The following FIGN variants were observed in gnomAD, a reference collection of about 807,000 sequenced individuals.
The protein encoded by FIGN is fidgetin, microtubule severing factor, also known as fidgetin.
Under a neutral mutation model 51.3 loss-of-function variants are expected in FIGN, and 11 were observed. The observed-to-expected ratio is 0.21, with a 90% CI of 0.13 to 0.35. The LOEUF is 0.35. FIGN is among the 10% of genes least tolerant of loss of function. The pLI is 1.00. For synonymous variants in FIGN, 407 were observed against 363.2 expected, an observed-to-expected ratio of 1.12 and a Z score of -1.37; for missense variants, 857 against 943.6, an observed-to-expected ratio of 0.91 and a Z score of 1.20.
At chr2:163,632,196 A>T (rs534756798) in intron 2 of FIGN, among the ~76,000 whole-genome samples, 10 of 152,320 alleles carry the variant, frequency 6.6e-5, no homozygotes, top group African/African-American at 2.4e-4. Context: ...TTAAAAAGTA[A>T]TAAAGTATTT....
rs1229800949 is a variant in FIGN, at chr2:163,606,819, T to A, written c.*2733A>T. On this transcript the variant is annotated 3_prime_UTR_variant, in exon 3 of 3. Transcript: ENST00000333129. ...AAATCTTGGATTTTGTGAGGCTAAA[T>A]GAAAATCACATACGACTTCAGCTTC... is the stretch of plus-strand genomic sequence containing the variant. 6.6e-6 allele frequency: 1 copy of A among 152,200 alleles called. No homozygotes were observed. The highest frequency in any genetic ancestry group is 2.4e-5 in the African/African-American group (1 of 41,454). The allele number at this position is 152,200 out of a possible 1,614,324, so 9.4% of individuals were successfully genotyped here.
In FIGN at chr2:163,645,291, G is replaced by A. The variant is rs865837859; in HGVS notation, c.26-33485C>T. On this transcript the variant is annotated intron_variant, in intron 2 of 2. Transcript: ENST00000333129. ...GATCATGAAAGCGGAATGTAATAATGGTAGGAAACAAGGTTGAGCTCCCAT... is the reference window on the plus strand; with the variant it reads ...GATCATGAAAGCGGAATGTAATAATAGTAGGAAACAAGGTTGAGCTCCCAT... Among the ~76,000 whole-genome samples the A allele has an allele frequency of 2.0e-4, 31 of 152,018 alleles. 1 individual carries two copies. Among genetic ancestry groups the A allele is most frequent in the African/African-American group, 7.2e-4 (30 of 41,404 alleles).
Position 163,641,596 on chromosome 2 carries a change from A to G in FIGN, c.26-29790T>C, listed in dbSNP as rs559253187. ...CTTACACCTTTTCAGAAAATTAAAAATTCACATACTGGAATATAATTATAA... is the reference window on the plus strand; with the variant it reads ...CTTACACCTTTTCAGAAAATTAAAAGTTCACATACTGGAATATAATTATAA... On this transcript the variant is annotated intron_variant, in intron 2 of 2. Coordinates refer to ENST00000333129, the MANE Select transcript of FIGN (RefSeq NM_018086.4). 1.9e-4 allele frequency among the ~76,000 whole-genome samples: 29 copies of G among 152,360 alleles called. 1 individual carries two copies. The highest frequency in any genetic ancestry group is 6.5e-4 in the African/African-American group (27 of 41,582).
intron 2 of FIGN, among the ~76,000 whole-genome samples, chr2:163,621,233 A>G (rs890594258): frequency 3.9e-5 from 6 of 152,182 alleles, no homozygotes; most frequent in Admixed American, 3.9e-4. Context: ...GTGACTCTAA[A>G]GTATGCAAAG....
chr2:163,621,287 T>C (rs1682968189), intron 2 of FIGN, among the ~76,000 whole-genome samples: 1 of 152,170 alleles, frequency 6.6e-6, no homozygotes, highest in African/African-American at 2.4e-5. Flanking sequence ...TTTTCTCTTT[T>C]TGGCAATTCG....
chr2:163,724,268 C>G (rs2105364972), intron 2 of FIGN, among the ~76,000 whole-genome samples: 1 of 152,242 alleles, frequency 6.6e-6, no homozygotes, highest in Admixed American at 6.5e-5. Context: ...TTTCAAAAGT[C>G]TAGATAGGTT....
rs145932399 is a variant in FIGN, at chr2:163,704,506, G to A, written c.25+30397C>T. ...CGTGGGCTTTGGTGATGTTACATAG[G>A]CCAATTTTTATTCCCATCTCTGTCA... On this transcript the variant is annotated intron_variant, in intron 2 of 2. Coordinates refer to ENST00000333129, the MANE Select transcript of FIGN (RefSeq NM_018086.4). 6.2e-4 allele frequency among the ~76,000 whole-genome samples: 95 copies of A among 152,038 alleles called. 1 individual carries two copies. The highest frequency in any genetic ancestry group is 2.3e-3 in the African/African-American group (94 of 41,472).
rs1214277215 is a variant in FIGN at position 163,676,481 on chromosome 2, A to C, written c.25+58422T>G. ...TATATATATATATATATATATATATATAACTAGAGTCTGTGCACCCGAATC... is the reference window on the plus strand; with the variant it reads ...TATATATATATATATATATATATATCTAACTAGAGTCTGTGCACCCGAATC... On this transcript the variant is annotated intron_variant, in intron 2 of 2. Transcript: ENST00000333129. Among the ~76,000 whole-genome samples the C allele has an allele frequency of 2.8e-4, 19 of 68,196 alleles. 2 individuals are homozygous for C. Among genetic ancestry groups the C allele is most frequent in the South Asian group, 1.5e-3 (3 of 1,970 alleles). 44.7% of individuals were successfully genotyped at this position (68,196 alleles called of 152,430 possible). A position where few individuals can be genotyped will look rare whatever the true frequency, so the allele number is the denominator to read the frequency against.
At chr2:163,712,648 G>A (rs1341369961) in intron 2 of FIGN, among the ~76,000 whole-genome samples, 1 of 151,754 alleles carries the variant, frequency 6.6e-6, no homozygotes, top group Admixed American at 6.6e-5. Context: ...TATGTTGTGA[G>A]GTTTTTTTTA....
intron 2 of FIGN, among the ~76,000 whole-genome samples, chr2:163,694,851 C>T (rs1184555189): frequency 6.6e-6 from 1 of 152,104 alleles, no homozygotes; most frequent in African/African-American, 2.4e-5. Context: ...GGGGATCTCG[C>T]TATGTTGCTT....
intron 2 of FIGN, among the ~76,000 whole-genome samples, chr2:163,656,961 T>C (rs888542691): frequency 2.6e-5 from 4 of 152,128 alleles, no homozygotes; most frequent in Non-Finnish European, 5.9e-5. Context: ...TTTATTGTTC[T>C]GAATGTATAT....
intron 2 of FIGN, among the ~76,000 whole-genome samples, chr2:163,657,780 T>C (rs1241974518): frequency 6.6e-6 from 1 of 152,158 alleles, no homozygotes; most frequent in East Asian, 1.9e-4. Flanking sequence ...AAAAAGATTT[T>C]GCAAATCTGT....
chr2:163,616,969 T>C (rs372086270), intron 2 of FIGN: 28 of 353,906 alleles, frequency 7.9e-5, no homozygotes, highest in African/African-American at 6.2e-4. Context: ...CACTGCAAAC[T>C]GGCCCTGTGC....
At chr2:163,672,166 G>C (rs919813583) in intron 2 of FIGN, among the ~76,000 whole-genome samples, 4 of 150,950 alleles carry the variant, frequency 2.6e-5, no homozygotes, top group African/African-American at 9.8e-5. Flanking sequence ...CCTCTCCTCT[G>C]TCCATTTTTT....
intron 2 of FIGN, among the ~76,000 whole-genome samples, chr2:163,704,868 T>C (rs1322638244): frequency 6.6e-6 from 1 of 152,044 alleles, no homozygotes; most frequent in Non-Finnish European, 1.5e-5. Context: ...GGAAAAATAT[T>C]AATGGCACAT....
chr2:163,728,454 A>C (rs950583785), intron 2 of FIGN, among the ~76,000 whole-genome samples: 3 of 151,774 alleles, frequency 2.0e-5, no homozygotes, highest in Middle Eastern at 3.4e-3. Flanking sequence ...CCTTTTAAGA[A>C]TACTTGAGCA....
At chr2:163,735,678 G>A (rs955785922) in intron 1 of FIGN, among the ~76,000 whole-genome samples, 160 bp downstream of exon 1, 7 of 152,164 alleles carry the variant, frequency 4.6e-5, no homozygotes, top group Non-Finnish European at 1.0e-4. Flanking sequence ...TTAGACAGCA[G>A]GTTGGCGTAC....
chr2:163,659,184 G>C (rs73015900), intron 2 of FIGN, among the ~76,000 whole-genome samples: 3,043 of 152,252 alleles, frequency 0.02, 102 homozygotes, highest in African/African-American at 0.069. Flanking sequence ...AAGTTAATTT[G>C]TGTCTTTGGA....
chr2:163,637,346 C>T (rs1286220253), intron 2 of FIGN, among the ~76,000 whole-genome samples: 2 of 152,092 alleles, frequency 1.3e-5, no homozygotes, highest in African/African-American at 2.4e-5. Flanking sequence ...AAAAATCTTC[C>T]CACAAATCTA....
Sources: gnomAD v4.1 joint callset for allele counts (sites outside exome capture counted in the v4.1 genomes callset) on GRCh38, gnomAD v4.1.1 for gene constraint, MANE v1.5 for transcripts, NCBI Gene and HGNC (gene_info 2026-07-23, HGNC 2026-07-21) for gene names.